Variants in KCNMB1 observed in about 807,000 individuals in gnomAD.
The protein encoded by KCNMB1 is calcium-activated potassium channel subunit beta-1.
Under a neutral mutation model 21.7 loss-of-function variants are expected in KCNMB1, and 22 were observed. That is an observed-to-expected ratio of 1.01 (90% confidence interval 0.72 to 1.45). KCNMB1 has a LOEUF of 1.45. KCNMB1 is among the 40% of genes most tolerant of loss of function. The pLI is 0.00. For synonymous variants in KCNMB1, 114 were observed against 107.6 expected (o/e 1.06, Z -0.37); for missense variants, 243 against 243.4 (o/e 1.00, Z 0.01).
Position 170,383,860 on chromosome 5 carries a change from C to A in KCNMB1, c.135-10G>T. The A allele has an allele frequency of 6.2e-7, 1 of 1,613,316 alleles. No individual in the cohort carries two copies. The highest frequency in any genetic ancestry group is 8.5e-7 in the Non-Finnish European group (1 of 1,179,648). On this transcript the variant is annotated splice_polypyrimidine_tract_variant and intron_variant, in intron 2 of 3. Coordinates refer to ENST00000274629, the MANE Select transcript of KCNMB1 (RefSeq NM_004137.4). ...TTCCTGGGTCCACACGCTGAGGAGA[C>A]CACACACATGCACACATACACATCT...
intron 3 of KCNMB1, chr5:170,383,449 G>A (rs1373239961): frequency 8.1e-6 from 5 of 615,534 alleles, no homozygotes; most frequent in Non-Finnish European, 1.5e-5. Context: ...CTGAGGAGGT[G>A]AGAGGCTAAG....
chr5:170,386,235 T>C (rs1353400576), intron 1 of KCNMB1, among the ~76,000 whole-genome samples: 2 of 151,586 alleles, frequency 1.3e-5, no homozygotes, highest in African/African-American at 4.9e-5. Context: ...AAGAGGGAAG[T>C]GAAGGGAGAT....
rs941416760 is a variant in KCNMB1 at position 170,385,233 on chromosome 5, G to A, written c.134+81C>T. 58 of 1,469,114 alleles carry A rather than the reference G, an allele frequency of 3.9e-5. No individual in the cohort carries two copies. The African/African-American group carries it at 7.2e-4, about 18-fold the overall frequency. 91.0% of individuals were successfully genotyped at this position (1,469,114 alleles called of 1,614,324 possible). A position where few individuals can be genotyped will look rare whatever the true frequency, so the allele number is the denominator to read the frequency against. ...TTGAATGAGGGTCAAGGAGAGGGGT[G>A]AGTAGAAGGCCAGGGTTCCTTACAG... On this transcript the variant is annotated intron_variant, in intron 2 of 3. Transcript: ENST00000274629.
At chr5:170,380,241 T>G (rs1472837766) in intron 3 of KCNMB1, among the ~76,000 whole-genome samples, 1 of 152,268 alleles carries the variant, frequency 6.6e-6, no homozygotes, top group African/African-American at 2.4e-5. Context: ...ATCTCTGTTC[T>G]GAGCTGCAAG....
At chr5:170,379,400 G>T (rs1203137006) in intron 3 of KCNMB1, among the ~76,000 whole-genome samples, 1 of 152,210 alleles carries the variant, frequency 6.6e-6, no homozygotes, top group Non-Finnish European at 1.5e-5. Context: ...AGGCCAAGTG[G>T]GCTGTGTATT....
rs1461436535 is a variant in KCNMB1, at chr5:170,378,262, G to C, written c.*442C>G. 1.2e-5 allele frequency: 2 copies of C among 161,034 alleles called. No individual in the cohort carries two copies. Among genetic ancestry groups the C allele is most frequent in the East Asian group, 1.8e-4 (1 of 5,434 alleles). The allele number at this position is 161,034 out of a possible 1,614,324, so 10.0% of individuals were successfully genotyped here. Reference sequence around the variant, plus strand: ...ATACTGTAAATGTGTTCTAGAAATGGGAGCTGCTGTTGCTCTTATTAGAGA... The same window carrying C: ...ATACTGTAAATGTGTTCTAGAAATGCGAGCTGCTGTTGCTCTTATTAGAGA... On this transcript the variant is annotated 3_prime_UTR_variant, in exon 4 of 4. Coordinates refer to ENST00000274629, the MANE Select transcript of KCNMB1 (RefSeq NM_004137.4).
intron 3 of KCNMB1, chr5:170,383,361 A>C (rs1764329816): frequency 3.4e-6 from 2 of 589,680 alleles, no homozygotes; most frequent in East Asian, 5.6e-5. Flanking sequence ...CAAGCGTGGC[A>C]CTTTATATAC....
chr5:170,383,599 C>CGGGGACAGGGACAGTT, intron 3 of KCNMB1, 80 bp downstream of exon 3: 1 of 1,508,540 alleles, frequency 6.6e-7, no homozygotes, highest in South Asian at 1.1e-5. Context: ...TTCTCAGCCT[C>CGGGGACAGGGACAGTT]GGGGACAGGG....
intron 3 of KCNMB1, chr5:170,382,655 CTTTTTTTTTTTT>C (rs5873227): frequency 7.7e-6 from 1 of 129,546 alleles, no homozygotes; most frequent in South Asian, 2.5e-4. Flanking sequence ...AAGAGCCTTT[CTTTTTTTTTTTT>C]TTTTTTTTGA....
chr5:170,386,625 G>GC (rs1181328566), intron 1 of KCNMB1, among the ~76,000 whole-genome samples: 1 of 152,044 alleles, frequency 6.6e-6, no homozygotes, highest in Non-Finnish European at 1.5e-5. Flanking sequence ...GAAAGGAGAG[G>GC]AGGGCCCCAG....
intron 1 of KCNMB1, among the ~76,000 whole-genome samples, chr5:170,386,686 G>GTTT (rs1383099188): frequency 2.8e-5 from 4 of 143,930 alleles, no homozygotes; most frequent in African/African-American, 1.0e-4. Flanking sequence ...ATATTCCGGT[G>GTTT]TTTTTTTTTT....
At chr5:170,383,357 T>C (rs1764329717) in intron 3 of KCNMB1, 1 of 587,090 alleles carries the variant, frequency 1.7e-6, no homozygotes, top group African/African-American at 1.9e-5. Context: ...GCATCAAGCG[T>C]GGCACTTTAT....
chr5:170,378,673 C>T lies in KCNMB1; in HGVS notation c.*31G>A. 6.4e-7 allele frequency: 1 copy of T among 1,572,090 alleles called. No individual in the cohort carries two copies. Among genetic ancestry groups the T allele is most frequent in the Non-Finnish European group, 8.6e-7 (1 of 1,160,456 alleles). ...GGGGGCCCAGCCAGTCCCCTGTGCC[C>T]TGACAAGTGGTATGGCATGGATGGA... On this transcript the variant is annotated 3_prime_UTR_variant, in exon 4 of 4. Coordinates refer to ENST00000274629, the MANE Select transcript of KCNMB1 (RefSeq NM_004137.4).
chr5:170,378,415 C>T lies in KCNMB1; in HGVS notation c.*289G>A. 2.8e-6 allele frequency: 1 copy of T among 354,384 alleles called. No homozygotes were observed. The highest frequency in any genetic ancestry group is 5.1e-6 in the Non-Finnish European group (1 of 197,012). The allele number at this position is 354,384 out of a possible 1,614,324, so 22.0% of individuals were successfully genotyped here. On this transcript the variant is annotated 3_prime_UTR_variant, in exon 4 of 4. Transcript: ENST00000274629. Reference sequence around the variant, plus strand: ...GTTCTCTGTGGGGCACATAGTGATGCAGCCGGAAACAGGTATGAGTCAGTT... The same window carrying T: ...GTTCTCTGTGGGGCACATAGTGATGTAGCCGGAAACAGGTATGAGTCAGTT...
Position 170,376,693 on chromosome 5 carries a change from A to C in KCNMB1, c.*2011T>G, listed in dbSNP as rs1240405063. 6.6e-6 allele frequency: 1 copy of C among 152,318 alleles called. No homozygotes were observed. Among genetic ancestry groups the C allele is most frequent in the Middle Eastern group, 3.4e-3 (1 of 294 alleles). The allele number at this position is 152,318 out of a possible 1,614,324, so 9.4% of individuals were successfully genotyped here. ...AGCTCCATCCATGTCCCTGCAAAGG[A>C]CATGATCTCCTTCCTTTTTATGGCT... On this transcript the variant is annotated 3_prime_UTR_variant, in exon 4 of 4. Coordinates refer to ENST00000274629, the MANE Select transcript of KCNMB1 (RefSeq NM_004137.4).
chr5:170,387,057 C>T (rs184684024), intron 1 of KCNMB1, among the ~76,000 whole-genome samples: 18 of 152,180 alleles, frequency 1.2e-4, no homozygotes, highest in South Asian at 6.2e-4. Flanking sequence ...CCCATGGTTC[C>T]GCAAGCTGTC....
Position 170,375,258 on chromosome 5 carries a change from T to A in KCNMB1, c.*3446A>T, listed in dbSNP as rs935851728. 6.6e-6 allele frequency: 1 copy of A among 152,242 alleles called. No homozygotes were observed. The allele number at this position is 152,242 out of a possible 1,614,324, so 9.4% of individuals were successfully genotyped here. ...TATAGTACAATATTACAATTAAGACTTTCTTAAAAGACTCACATGAGGACC... is the reference window on the plus strand; with the variant it reads ...TATAGTACAATATTACAATTAAGACATTCTTAAAAGACTCACATGAGGACC... On this transcript the variant is annotated 3_prime_UTR_variant, in exon 4 of 4. Transcript: ENST00000274629.
At chr5:170,386,021 G>A (rs555979528) in intron 1 of KCNMB1, among the ~76,000 whole-genome samples, 2 of 151,960 alleles carry the variant, frequency 1.3e-5, no homozygotes, top group South Asian at 4.1e-4. Context: ...AGCTACAGGG[G>A]AGGCTGAGGC....
chr5:170,374,801 C>T lies in KCNMB1; in HGVS notation c.*3903G>A, dbSNP rs542685480. ...AATTCCCATTATTTCATGCTTATCC[C>T]GTGCATAAAGTTCTGTGAGCAGCAG... On this transcript the variant is annotated 3_prime_UTR_variant, in exon 4 of 4. Coordinates refer to ENST00000274629, the MANE Select transcript of KCNMB1 (RefSeq NM_004137.4). 45 of 152,282 alleles carry T rather than the reference C, an allele frequency of 3.0e-4. No homozygotes were observed. The highest frequency in any genetic ancestry group is 2.1e-3 in the South Asian group (10 of 4,828). 9.4% of individuals were successfully genotyped at this position (152,282 alleles called of 1,614,324 possible). A position where few individuals can be genotyped will look rare whatever the true frequency, so the allele number is the denominator to read the frequency against.
Sources: gnomAD v4.1 joint callset for allele counts (sites outside exome capture counted in the v4.1 genomes callset) on GRCh38, gnomAD v4.1.1 for gene constraint, MANE v1.5 for transcripts, NCBI Gene and HGNC (gene_info 2026-07-23, HGNC 2026-07-21) for gene names.